The following DOCK3 variants were observed in gnomAD, a reference collection of about 807,000 sequenced individuals.
DOCK3 encodes dedicator of cytokinesis protein 3.
In DOCK3, 60 loss-of-function variants were observed where a neutral mutation model predicts 265.6. The observed-to-expected ratio is 0.23, with a 90% CI of 0.18 to 0.28. The LOEUF is 0.28. Among genes scored for constraint, DOCK3 ranks in the 10% least tolerant of loss-of-function variants. The pLI is 1.00. For missense variants in DOCK3, 1,981 were observed against 2,594.3 expected, an observed-to-expected ratio of 0.76 and a Z score of 5.14; for synonymous variants, 881 against 938.0, an observed-to-expected ratio of 0.94 and a Z score of 1.11.
intron 28 of DOCK3, 28 bp downstream of exon 28, chr3:51,310,354 A>G: frequency 6.6e-7 from 1 of 1,518,292 alleles, no homozygotes; most frequent in Non-Finnish European, 9.0e-7. Context: ...CTGTATCAGC[A>G]TCACTGAGCT....
At chr3:50,983,921 G>A (rs1179270215) in intron 5 of DOCK3, among the ~76,000 whole-genome samples, 1 of 152,176 alleles carries the variant, frequency 6.6e-6, no homozygotes, top group East Asian at 1.9e-4. Flanking sequence ...TGTTCTTGGT[G>A]TCTCCAGGCT....
chr3:51,308,944 C>T (rs1335588752), intron 27 of DOCK3, among the ~76,000 whole-genome samples: 72 of 148,468 alleles, frequency 4.8e-4, no homozygotes, highest in African/African-American at 1.6e-3. Flanking sequence ...ACCTCCCAGA[C>T]GGGGTCGCGG....
chr3:51,229,669 A>C, intron 19 of DOCK3, 60 bp downstream of exon 19: 5 of 1,293,378 alleles, frequency 3.9e-6, no homozygotes, highest in Non-Finnish European at 5.1e-6. Context: ...AGAAGACCTT[A>C]CTTTGTCATG....
chr3:51,132,919 A>G (rs1036019266), intron 9 of DOCK3, among the ~76,000 whole-genome samples: 1 of 152,106 alleles, frequency 6.6e-6, no homozygotes, highest in Admixed American at 6.6e-5. Flanking sequence ...CCCCGACCCA[A>G]GCTGCCATCA....
chr3:51,339,047 G>C lies in DOCK3; in HGVS notation c.3766+19G>C, dbSNP rs1220388652. The C allele has an allele frequency of 3.9e-6, 6 of 1,553,974 alleles. No individual in the cohort carries two copies. ...TACACAGGTAAGTGGGGAGAAGAGA[G>C]AGCCATGCCTGACCATGAGGACAAA... On this transcript the variant is annotated intron_variant, in intron 37 of 52. Coordinates refer to ENST00000266037, the MANE Select transcript of DOCK3 (RefSeq NM_004947.5).
intron 3 of DOCK3, among the ~76,000 whole-genome samples, chr3:50,885,906 G>C (rs1019089693): frequency 6.6e-6 from 1 of 152,186 alleles, no homozygotes; most frequent in East Asian, 1.9e-4. Context: ...GGGGGTTGCT[G>C]TTTGACAGCA....
chr3:51,336,834 G>C (rs925870024), intron 35 of DOCK3: 2 of 455,598 alleles, frequency 4.4e-6, no homozygotes, highest in Middle Eastern at 3.2e-4. Flanking sequence ...GTTAATCCGT[G>C]GTAAATGTTT....
chr3:51,053,119 A>ATG (rs2081069182), intron 5 of DOCK3, among the ~76,000 whole-genome samples: 1 of 122,208 alleles, frequency 8.2e-6, no homozygotes, highest in African/African-American at 3.0e-5. Context: ...ATATATATAT[A>ATG]TATGGATTTT....
chr3:51,335,932 C>T (rs1441014445), intron 35 of DOCK3, among the ~76,000 whole-genome samples: 1 of 147,812 alleles, frequency 6.8e-6, no homozygotes, highest in East Asian at 2.0e-4. Context: ...GTCGAGGATG[C>T]AGTGAGCTGA....
intron 1 of DOCK3, among the ~76,000 whole-genome samples, chr3:50,753,928 A>C (rs2108328787): frequency 6.6e-6 from 1 of 152,006 alleles, no homozygotes; most frequent in Non-Finnish European, 1.5e-5. Context: ...GGCCGAGGCA[A>C]GTGGGTCACC....
intron 27 of DOCK3, among the ~76,000 whole-genome samples, chr3:51,296,294 A>G (rs1051506353): frequency 6.6e-6 from 1 of 152,182 alleles, no homozygotes; most frequent in Non-Finnish European, 1.5e-5. Flanking sequence ...TGAGCCTTCA[A>G]TTCATGTAGA....
At chr3:50,823,766 C>T (rs1490594694) in intron 2 of DOCK3, among the ~76,000 whole-genome samples, 1 of 152,186 alleles carries the variant, frequency 6.6e-6, no homozygotes, top group Non-Finnish European at 1.5e-5. Flanking sequence ...CCCTCACCTC[C>T]CAGACGGGGC....
At position 51,350,356 on chromosome 3, in the gene DOCK3, C is replaced by T. The variant is rs373584854; in HGVS notation, c.4071C>T (p.Val1357=). The T allele has an allele frequency of 4.4e-5, 71 of 1,612,414 alleles. No homozygotes were observed. The highest frequency in any genetic ancestry group is 1.7e-4 in the Middle Eastern group (1 of 6,060). The stretch of plus-strand genomic sequence containing the variant: ...GCCTGGAGCCTGAGTTCTTTCGGGT[C>T]GGCTTCTATGGCAGGAAGTTTCCTT... ...QQRLEPEFFR[V]GFYGRKFPFF... is the part of the protein sequence containing the mutation. Residue 1357 remains valine (V), a synonymous_variant, in exon 40 of 53, where the codon GTC becomes GTT. Transcript: ENST00000266037.
chr3:51,176,036 C>T (rs2086929521), intron 12 of DOCK3, among the ~76,000 whole-genome samples: 1 of 152,186 alleles, frequency 6.6e-6, no homozygotes, highest in Non-Finnish European at 1.5e-5. Flanking sequence ...TCTATTTTGA[C>T]TTTCAGTTGC....
chr3:51,280,052 G>A, intron 26 of DOCK3, 54 bp from the exon 27 acceptor site: 1 of 1,470,626 alleles, frequency 6.8e-7, no homozygotes, highest in Non-Finnish European at 9.4e-7. Context: ...TGGATTGGGG[G>A]AACACAGCCC....
intron 2 of DOCK3, among the ~76,000 whole-genome samples, chr3:50,801,240 A>G (rs1219993152): frequency 6.6e-6 from 1 of 152,122 alleles, no homozygotes; most frequent in African/African-American, 2.4e-5. Flanking sequence ...GCTGCTTGTT[A>G]TTCCTCCTAT....
At chr3:50,791,258 CTTTTTTTTTTTT>C (rs34015684) in intron 2 of DOCK3, among the ~76,000 whole-genome samples, 2 of 62,800 alleles carry the variant, frequency 3.2e-5, no homozygotes, top group East Asian at 4.4e-4. Flanking sequence ...TTAAATCTAT[CTTTTTTTTTTTT>C]TTTTTTTTTT....
intron 1 of DOCK3, among the ~76,000 whole-genome samples, chr3:50,730,583 T>C (rs2038137532): frequency 6.6e-6 from 1 of 152,002 alleles, no homozygotes; most frequent in Admixed American, 6.6e-5. Flanking sequence ...ATTGCAGCGC[T>C]TTGGGAGGTC....
At chr3:51,264,302 A>C (rs2080031687) in intron 23 of DOCK3, among the ~76,000 whole-genome samples, 1 of 152,288 alleles carries the variant, frequency 6.6e-6, no homozygotes, top group African/African-American at 2.4e-5. Flanking sequence ...CCTGCTCCTG[A>C]ATGACTACTG....
Sources: allele counts gnomAD v4.1 joint callset (sites outside exome capture counted in the v4.1 genomes callset), GRCh38; gene constraint gnomAD v4.1.1; transcripts MANE v1.5; gene names NCBI Gene and HGNC (gene_info 2026-07-23, HGNC 2026-07-21).